SGTA: variants seen among roughly 807,000 people sequenced by gnomAD.
The protein encoded by SGTA is small glutamine rich tetratricopeptide repeat co-chaperone alpha.
A neutral mutation model predicts 44.3 loss-of-function variants in SGTA; 22 were observed. The ratio of observed to expected loss-of-function variants is 0.50; its 90% CI spans 0.36 to 0.71. SGTA has a LOEUF of 0.71. SGTA is among the 30% of genes least tolerant of loss of function. The probability of loss-of-function intolerance (pLI) is 0.00; values close to 1 mark genes in which losing one functional copy is unlikely to be tolerated. For missense variants in SGTA, 341 were observed against 435.9 expected, an observed-to-expected ratio of 0.78 and a Z score of 1.94; for synonymous variants, 174 against 177.6, an observed-to-expected ratio of 0.98 and a Z score of 0.16.
rs543627597 is a variant in SGTA at position 2,761,369 on chromosome 19, C to T, written c.699+91G>A. The T allele has an allele frequency of 7.1e-5, 87 of 1,222,494 alleles. No individual in the cohort carries two copies. The East Asian group carries it at 1.8e-3, about 25-fold the overall frequency. 75.7% of individuals were successfully genotyped at this position (1,222,494 alleles called of 1,614,324 possible). ...GTTCCAGAAGCCAGCAGTGCCAAGG[C>T]AAGGAAGCCCTGGCCAGTAGCGGAC... On this transcript the variant is annotated intron_variant, in intron 8 of 11. Coordinates refer to ENST00000221566, the MANE Select transcript of SGTA (RefSeq NM_003021.4). This position sits in a 1 kb window ranked among gnomAD's most constrained non-coding sequence, Gnocchi z 5.7.
intron 1 of SGTA, among the ~76,000 whole-genome samples, chr19:2,774,832 G>C (rs1915406813): frequency 6.6e-6 from 1 of 152,186 alleles, no homozygotes; most frequent in South Asian, 2.1e-4. Context: ...CTGACCCACT[G>C]GATTTTGCTG....
At chr19:2,782,752 T>G (rs776707920) in intron 1 of SGTA, 5 of 152,242 alleles carry the variant, frequency 3.3e-5, no homozygotes, top group South Asian at 2.1e-4. Flanking sequence ...CAGGGACTTT[T>G]GAACAACGCC....
chr19:2,762,489 G>GC lies in SGTA; in HGVS notation c.636+16dup. 6.2e-7 allele frequency: 1 copy of GC among 1,612,886 alleles called. No homozygotes were observed. Among genetic ancestry groups the GC allele is most frequent in the Non-Finnish European group, 8.5e-7 (1 of 1,179,532 alleles). ...TCAGCTCGGCGTTCTGGAGCCACTCGCCCCCGCTGCACTCACGGGGCTGGG... is the reference window on the plus strand; with the variant it reads ...TCAGCTCGGCGTTCTGGAGCCACTCGCCCCCCGCTGCACTCACGGGGCTGGG... On this transcript the variant is annotated intron_variant, in intron 7 of 11. Coordinates refer to ENST00000221566, the MANE Select transcript of SGTA (RefSeq NM_003021.4).
Position 2,755,486 on chromosome 19 carries a change from C to T in SGTA, c.*454G>A, listed in dbSNP as rs1248042241. On this transcript the variant is annotated 3_prime_UTR_variant, in exon 12 of 12. Transcript: ENST00000221566. The surrounding 1 kb of genome is among the most constrained non-coding windows in gnomAD (Gnocchi z 5.2). ...CACAGGGCCGGGGTGGCCGGGAGGT[C>T]GACTCGGAAAGAGGCTTCTCACAGA... The T allele has an allele frequency of 8.1e-6, 8 of 987,242 alleles. No homozygotes were observed. Among genetic ancestry groups the T allele is most frequent in the Non-Finnish European group, 8.4e-6 (7 of 830,162 alleles). The allele number at this position is 987,242 out of a possible 1,614,324, so 61.2% of individuals were successfully genotyped here. A position where few individuals can be genotyped will look rare whatever the true frequency, so the allele number is the denominator to read the frequency against.
chr19:2,763,690 T>C lies in SGTA; in HGVS notation c.460A>G (p.Ile154Val). The C allele has an allele frequency of 6.2e-7, 1 of 1,613,822 alleles. No individual in the cohort carries two copies. Among genetic ancestry groups the C allele is most frequent in the Non-Finnish European group, 8.5e-7 (1 of 1,179,950 alleles). The change falls in exon 6 of 12, where the codon ATT (isoleucine) becomes GTT (valine). Residue 154 changes from isoleucine to valine, a missense_variant. By Grantham distance (29) the Ile-to-Val change is conservative. Coordinates refer to ENST00000221566, the MANE Select transcript of SGTA (RefSeq NM_003021.4). The surrounding 1 kb of genome is among the most constrained non-coding windows in gnomAD (Gnocchi z 5.8). The part of the protein sequence containing the change: ...AVQDCERAIC[I>V]DPAYSKAYGR... The stretch of plus-strand genomic sequence containing the variant: ...TAGGCCTTGCTGTAGGCCGGGTCAA[T>C]GCAGATGGCCCGCTCACAGTCCTGC...
At chr19:2,782,541 A>G (rs1329112558) in intron 1 of SGTA, 1 of 152,196 alleles carries the variant, frequency 6.6e-6, no homozygotes. Context: ...AAGAAGGAAC[A>G]GTTTGCTCAG....
intron 1 of SGTA, among the ~76,000 whole-genome samples, chr19:2,774,149 C>T (rs1020800159): frequency 6.6e-6 from 1 of 152,222 alleles, no homozygotes; most frequent in Non-Finnish European, 1.5e-5. Context: ...ACTCTGTCAC[C>T]GCGGCCCCAG....
At chr19:2,771,864 C>T (rs1436110953) in intron 1 of SGTA, among the ~76,000 whole-genome samples, 4 of 152,210 alleles carry the variant, frequency 2.6e-5, no homozygotes, top group Admixed American at 6.5e-5. Context: ...TCTGTTCTTG[C>T]GATGAGGTTC....
rs533333744 is a variant in SGTA, at chr19:2,780,080, C to T, written c.-24+3153G>A. Among the ~76,000 whole-genome samples the T allele has an allele frequency of 7.5e-4, 114 of 152,170 alleles. 1 individual carries two copies. Among genetic ancestry groups the T allele is most frequent in the East Asian group, 2.1e-3 (11 of 5,188 alleles). On this transcript the variant is annotated intron_variant, in intron 1 of 11. Coordinates refer to ENST00000221566, the MANE Select transcript of SGTA (RefSeq NM_003021.4). ...TCCAGCCTGGGTGACAAAGTGAGAC[C>T]CTGTCTCTAAAAACAAACAAAAAAC...
intron 1 of SGTA, 55 bp from the exon 2 acceptor site, chr19:2,769,146 A>C: frequency 1.9e-6 from 2 of 1,071,246 alleles, no homozygotes; most frequent in Non-Finnish European, 2.8e-6. Context: ...CACTCCAGGC[A>C]CCCCAGGCCT....
chr19:2,763,540 G>A lies in SGTA; in HGVS notation c.497+113C>T, dbSNP rs751063644. 19 of 695,542 alleles carry A rather than the reference G, an allele frequency of 2.7e-5. No individual in the cohort carries two copies. The highest frequency in any genetic ancestry group is 1.7e-5 in the Non-Finnish European group (7 of 412,064). The allele number at this position is 695,542 out of a possible 1,614,324, so 43.1% of individuals were successfully genotyped here. ...GCTAGTGTCAGAGTTGAACTGAACCGGGGTGGGAGAATTCGTTGTGGGTGG... is the reference window on the plus strand; with the variant it reads ...GCTAGTGTCAGAGTTGAACTGAACCAGGGTGGGAGAATTCGTTGTGGGTGG... On this transcript the variant is annotated intron_variant, in intron 6 of 11. Coordinates refer to ENST00000221566, the MANE Select transcript of SGTA (RefSeq NM_003021.4). The surrounding 1 kb of genome is among the most constrained non-coding windows in gnomAD (Gnocchi z 5.8).
intron 1 of SGTA, among the ~76,000 whole-genome samples, chr19:2,769,684 T>A (rs1294228774): frequency 6.6e-6 from 1 of 152,118 alleles, no homozygotes. Flanking sequence ...CCCCAGGGAC[T>A]TCTTGGGGAC....
chr19:2,762,081 C>T (rs1334761579), intron 7 of SGTA, among the ~76,000 whole-genome samples: 1 of 152,156 alleles, frequency 6.6e-6, no homozygotes. Context: ...CCAGAACCCA[C>T]ACCCTCAGCA....
chr19:2,768,275 G>T (rs1268526949), intron 2 of SGTA, among the ~76,000 whole-genome samples: 1 of 152,088 alleles, frequency 6.6e-6, no homozygotes, highest in East Asian at 1.9e-4. Flanking sequence ...TGGACCCAGG[G>T]TCCTAACCCA....
intron 10 of SGTA, 55 bp downstream of exon 10, chr19:2,757,638 G>T: frequency 6.8e-7 from 1 of 1,471,240 alleles, no homozygotes; most frequent in Non-Finnish European, 9.1e-7. Flanking sequence ...CCTTCCGCCT[G>T]CGAGCCCTGC....
In SGTA at chr19:2,763,001, C is replaced by T. The variant is rs1462058441; in HGVS notation, c.498-357G>A. On this transcript the variant is annotated intron_variant, in intron 6 of 11. Coordinates refer to ENST00000221566, the MANE Select transcript of SGTA (RefSeq NM_003021.4). This position sits in a 1 kb window ranked among gnomAD's most constrained non-coding sequence, Gnocchi z 5.8. Reference sequence around the variant, plus strand: ...CCCGGCACAGGGCACCAAGGACCCTCGGAACCTCTGAGCGACAGACATGTC... The same window carrying T: ...CCCGGCACAGGGCACCAAGGACCCTTGGAACCTCTGAGCGACAGACATGTC... 6.6e-6 allele frequency among the ~76,000 whole-genome samples: 1 copy of T among 152,200 alleles called. No homozygotes were observed. The highest frequency in any genetic ancestry group is 2.4e-5 in the African/African-American group (1 of 41,458).
intron 1 of SGTA, among the ~76,000 whole-genome samples, chr19:2,781,307 C>G (rs1915569243): frequency 6.6e-6 from 1 of 152,222 alleles, no homozygotes; most frequent in Non-Finnish European, 1.5e-5. Flanking sequence ...GCTTTCCAGG[C>G]ACCCAGTTAA....
intron 2 of SGTA, 53 bp downstream of exon 2, chr19:2,768,916 G>T: frequency 1.5e-6 from 2 of 1,350,258 alleles, no homozygotes; most frequent in South Asian, 2.3e-5. Flanking sequence ...TACACGAGGC[G>T]ACTGTGCTGG....
chr19:2,757,153 C>G (rs1039209049), intron 11 of SGTA, among the ~76,000 whole-genome samples, 184 bp downstream of exon 11: 1 of 152,200 alleles, frequency 6.6e-6, no homozygotes, highest in Non-Finnish European at 1.5e-5. Flanking sequence ...CCCAGAGATG[C>G]CCCCACCTGC....
Sources: allele counts gnomAD v4.1 joint callset (sites outside exome capture counted in the v4.1 genomes callset), GRCh38; gene constraint gnomAD v4.1.1; non-coding constraint Gnocchi (gnomAD v3.1); transcripts MANE v1.5; gene names NCBI Gene and HGNC (gene_info 2026-07-23, HGNC 2026-07-21).